The following KCNJ12 variants were observed in gnomAD, a reference collection of about 807,000 sequenced individuals.
KCNJ12 encodes ATP-sensitive inward rectifier potassium channel 12.
A neutral mutation model predicts 22.3 loss-of-function variants in KCNJ12; 2 were observed. The ratio of observed to expected loss-of-function variants is 0.09; its 90% CI spans 0.04 to 0.28. The LOEUF (loss-of-function observed/expected upper bound fraction) is 0.28. Among genes scored for constraint, KCNJ12 ranks in the 10% least tolerant of loss-of-function variants. The probability of loss-of-function intolerance (pLI) is 1.00; values close to 1 mark genes in which losing one functional copy is unlikely to be tolerated. For synonymous variants in KCNJ12, 117 were observed against 261.4 expected (o/e 0.45, Z 5.33); for missense variants, 155 against 633.3 (o/e 0.24, Z 8.11).
intron 2 of KCNJ12, among the ~76,000 whole-genome samples, chr17:21,412,503 G>A (rs570838554): frequency 6.6e-6 from 1 of 152,422 alleles, no homozygotes; most frequent in African/African-American, 2.4e-5. Context: ...AGGCCCCTGG[G>A]CCACACAAAT....
intron 1 of KCNJ12, among the ~76,000 whole-genome samples, chr17:21,394,726 G>A (rs1413926150): frequency 6.6e-6 from 1 of 152,238 alleles, no homozygotes; most frequent in Non-Finnish European, 1.5e-5. Flanking sequence ...GGTCAGGGCT[G>A]TGGCAGAGAG....
At chr17:21,385,715 G>A (rs542173362) in intron 1 of KCNJ12, among the ~76,000 whole-genome samples, 1 of 152,240 alleles carries the variant, frequency 6.6e-6, no homozygotes, top group Middle Eastern at 3.2e-3. Context: ...GGCCACTCAT[G>A]GGTCCTGGCC....
At chr17:21,382,586 T>C (rs1904906914) in intron 1 of KCNJ12, among the ~76,000 whole-genome samples, 1 of 152,218 alleles carries the variant, frequency 6.6e-6, no homozygotes, top group Admixed American at 6.5e-5. Flanking sequence ...TGGCCAGCAG[T>C]GATCACCTCT....
intron 1 of KCNJ12, among the ~76,000 whole-genome samples, chr17:21,395,171 T>C (rs1444661246): frequency 1.3e-5 from 2 of 151,798 alleles, no homozygotes; most frequent in African/African-American, 4.8e-5. Context: ...GGAGCATGCC[T>C]GTAGTCCTAG....
chr17:21,377,247 C>T (rs1904689446), intron 1 of KCNJ12, among the ~76,000 whole-genome samples: 1 of 152,020 alleles, frequency 6.6e-6, no homozygotes, highest in South Asian at 2.1e-4. Context: ...CACTAGGGGG[C>T]TCGGGAGGGA....
intron 1 of KCNJ12, among the ~76,000 whole-genome samples, chr17:21,401,423 G>A (rs1409154268): frequency 6.6e-5 from 10 of 152,272 alleles, no homozygotes; most frequent in Non-Finnish European, 1.5e-5. Context: ...TGCTGGCCTG[G>A]CAGAAAGCTG....
intron 2 of KCNJ12, among the ~76,000 whole-genome samples, chr17:21,411,434 T>C (rs1419636205): frequency 6.6e-6 from 1 of 152,252 alleles, no homozygotes; most frequent in Non-Finnish European, 1.5e-5. Context: ...CTCCTGGGTT[T>C]GCTTCACTGC....
intron 1 of KCNJ12, among the ~76,000 whole-genome samples, chr17:21,385,779 T>C (rs1555558554): frequency 6.6e-6 from 1 of 152,188 alleles, no homozygotes; most frequent in African/African-American, 2.4e-5. Flanking sequence ...ATGACCAGGC[T>C]CTTGGTGGCC....
chr17:21,412,426 TTCC>T (rs1316755656), intron 2 of KCNJ12, among the ~76,000 whole-genome samples: 2 of 152,308 alleles, frequency 1.3e-5, no homozygotes, highest in African/African-American at 4.8e-5. Flanking sequence ...TGTGATTCTG[TTCC>T]TTGCAGGCTT....
intron 1 of KCNJ12, among the ~76,000 whole-genome samples, chr17:21,404,392 C>T (rs1171531820): frequency 6.6e-6 from 1 of 152,260 alleles, no homozygotes; most frequent in African/African-American, 2.4e-5. Context: ...GGTTAGACAC[C>T]TCGCCTGGGC....
chr17:21,406,899 C>T (rs1402061934), intron 1 of KCNJ12, among the ~76,000 whole-genome samples: 2 of 152,300 alleles, frequency 1.3e-5, no homozygotes, highest in Admixed American at 6.5e-5. Flanking sequence ...ATCCTCAGAG[C>T]CCCTTCCCAC....
intron 1 of KCNJ12, among the ~76,000 whole-genome samples, chr17:21,392,057 G>C (rs1315989588): frequency 6.6e-6 from 1 of 152,212 alleles, no homozygotes; most frequent in African/African-American, 2.4e-5. Context: ...TGCTGAGTGT[G>C]GTGGTGGGGA....
At chr17:21,399,158 C>T (rs1253066102) in intron 1 of KCNJ12, among the ~76,000 whole-genome samples, 3 of 152,302 alleles carry the variant, frequency 2.0e-5, no homozygotes, top group East Asian at 3.9e-4. Flanking sequence ...GCGAAGCTGC[C>T]GTCCCCCATG....
At chr17:21,388,631 G>A (rs373099586) in intron 1 of KCNJ12, among the ~76,000 whole-genome samples, 22 of 152,332 alleles carry the variant, frequency 1.4e-4, no homozygotes, top group Admixed American at 3.3e-4. Flanking sequence ...GTGTGACGTC[G>A]TGCTGAGGCT....
At chr17:21,394,366 A>G (rs1486172678) in intron 1 of KCNJ12, among the ~76,000 whole-genome samples, 7 of 152,238 alleles carry the variant, frequency 4.6e-5, no homozygotes, top group African/African-American at 1.7e-4. Context: ...AACAGGCTCC[A>G]TCACACAACC....
intron 1 of KCNJ12, among the ~76,000 whole-genome samples, chr17:21,406,883 G>T (rs62049473): frequency 2.0e-5 from 3 of 152,198 alleles, no homozygotes; most frequent in Non-Finnish European, 4.4e-5. Context: ...GTGGCTCACC[G>T]TGGAGATCCT....
intron 1 of KCNJ12, among the ~76,000 whole-genome samples, chr17:21,395,411 A>G (rs1905322934): frequency 6.6e-6 from 1 of 151,588 alleles, no homozygotes; most frequent in South Asian, 2.1e-4. Flanking sequence ...CCTGGCTGAC[A>G]TGGCAAAACC....
chr17:21,398,810 G>A (rs1240401873), intron 1 of KCNJ12, among the ~76,000 whole-genome samples: 2 of 152,258 alleles, frequency 1.3e-5, no homozygotes, highest in South Asian at 2.1e-4. Context: ...GAGCTGTGGT[G>A]TGAGAGCAGG....
At chr17:21,379,383 C>G (rs1452951311) in intron 1 of KCNJ12, among the ~76,000 whole-genome samples, 1 of 152,220 alleles carries the variant, frequency 6.6e-6, no homozygotes, top group Non-Finnish European at 1.5e-5. Flanking sequence ...ACACGGTGCC[C>G]ACCCAGTGGC....
Sources: gnomAD v4.1 joint callset for allele counts (sites outside exome capture counted in the v4.1 genomes callset) on GRCh38, gnomAD v4.1.1 for gene constraint, MANE v1.5 for transcripts, NCBI Gene and HGNC (gene_info 2026-07-23, HGNC 2026-07-21) for gene names.